Variants in KMT2D observed in about 807,000 individuals in gnomAD.
KMT2D encodes the protein lysine methyltransferase 2D.
A neutral mutation model predicts 512.7 loss-of-function variants in KMT2D; 55 were observed. The ratio of observed to expected loss-of-function variants is 0.11; its 90% CI spans 0.09 to 0.13. The LOEUF is 0.13. Ranked by LOEUF, KMT2D falls within the 10% of genes least tolerant of loss-of-function variation. The pLI, the probability that KMT2D is intolerant of heterozygous loss-of-function variation, is 1.00. For missense variants in KMT2D, 6,061 were observed against 7,127.9 expected (o/e 0.85, Z 5.39); for synonymous variants, 2,995 against 2,904.0 (o/e 1.03, Z -1.01).
rs773349155 is a variant in KMT2D, at chr12:49,032,493, C to G, written c.12212G>C (p.Gly4071Ala). ...EPGEVKPSLSGDSQLLLVQPQ... is the reference protein window; with the variant it reads ...EPGEVKPSLSADSQLLLVQPQ... ...TTGGACAAGCAGGAGTTGTGAGTCC[C>G]CAGAGAGTGAGGGCTTTACCTCTCC... The change falls in exon 40 of 55, where the codon GGG becomes GCG. Residue 4071 changes from glycine (G) to alanine (A), a missense_variant. Gly to Ala is a moderately conservative substitution (Grantham distance 60, BLOSUM62 0). Around this residue, in one of 16 missense-constraint regions of KMT2D, gnomAD observed 1,600 missense variants for 1,754.9 expected, o/e 0.91. Transcript: ENST00000301067. 3.2e-6 allele frequency: 5 copies of G among 1,571,790 alleles called. No homozygotes were observed. The highest frequency in any genetic ancestry group is 3.5e-6 in the Non-Finnish European group (4 of 1,158,374).
chr12:49,057,711 A>G (rs1265770933), intron 1 of KMT2D, among the ~76,000 whole-genome samples: 1 of 152,148 alleles, frequency 6.6e-6, no homozygotes, highest in Non-Finnish European at 1.5e-5. Context: ...GCCCCTGAAC[A>G]TATCTAAACA....
rs375980443 is a variant in KMT2D, at chr12:49,039,836, C to T, written c.7934G>A (p.Arg2645Gln). The change falls in exon 32 of 55, where the codon CGA becomes CAA. Residue 2645 changes from arginine (R) to glutamine (Q), a missense_variant. By Grantham distance (43) the Arg-to-Gln change is conservative (BLOSUM62 1). Transcript: ENST00000301067. The surrounding 1 kb of genome is among the most constrained non-coding windows in gnomAD (Gnocchi z 5.0). ...ACCCATTCCAGTCCCTGGGTCTTCT[C>T]GCTTTTCGACAGGAGAGGTGATGCC... ...RSGITSPVEK[R>Q]EDPGTGMGSS... is the part of the protein sequence containing the mutation. 2.1e-5 allele frequency: 34 copies of T among 1,613,928 alleles called. No individual in the cohort carries two copies. The highest frequency in any genetic ancestry group is 1.8e-5 in the Non-Finnish European group (21 of 1,179,906).
rs71464946 is a variant in KMT2D at position 49,031,937 on chromosome 12, G to A, written c.12768C>T (p.Leu4256=). 6.5e-7 allele frequency: 1 copy of A among 1,542,232 alleles called. No homozygotes were observed. The highest frequency in any genetic ancestry group is 8.7e-7 in the Non-Finnish European group (1 of 1,145,038). ...PGTQTSPLQG[L]LGCQPQLGGF... ...CCCCAAGTTGAGGTTGGCAGCCCAG[G>A]AGGCCCTGGAGGGGAGAGGTCTGGG... Residue 4256 remains leucine (L), a synonymous_variant, in exon 40 of 55, where the codon CTC becomes CTT. Transcript: ENST00000301067.
Position 49,034,449 on chromosome 12 carries a change from G to C in KMT2D, c.10468C>G (p.Pro3490Ala). 6.2e-7 allele frequency: 1 copy of C among 1,613,760 alleles called. No individual in the cohort carries two copies. The highest frequency in any genetic ancestry group is 2.2e-5 in the East Asian group (1 of 44,856). Reference sequence around the variant, plus strand: ...GCAAAAGTGGGCGGGTTGGGACGAGGCTGGGAGGGATCACCAGCACTCCGC... The same window carrying C: ...GCAAAAGTGGGCGGGTTGGGACGAGCCTGGGAGGGATCACCAGCACTCCGC... ...QERSAGDPSQ[P>A]RPNPPTFAQG... The change falls in exon 38 of 55, where the codon CCT (proline) becomes GCT (alanine). Residue 3490 changes from proline to alanine, a missense_variant. Transcript: ENST00000301067.
Position 49,039,666 on chromosome 12 carries a change from AG to A in KMT2D, c.8047-50del. ...AATAAGCCCATTCTACTCCAATCATAGGGCTGCCCCAGAGACAGGAGCGATA... is the reference window on the plus strand; with the variant it reads ...AATAAGCCCATTCTACTCCAATCATAGGCTGCCCCAGAGACAGGAGCGATA... On this transcript the variant is annotated intron_variant, in intron 32 of 54. Coordinates refer to ENST00000301067, the MANE Select transcript of KMT2D (RefSeq NM_003482.4). This position sits in a 1 kb window ranked among gnomAD's most constrained non-coding sequence, Gnocchi z 5.0. The A allele has an allele frequency of 6.2e-7, 1 of 1,602,498 alleles. No homozygotes were observed. The highest frequency in any genetic ancestry group is 8.5e-7 in the Non-Finnish European group (1 of 1,175,342).
chr12:49,056,483 C>T (rs534339693), intron 1 of KMT2D, among the ~76,000 whole-genome samples: 8 of 151,892 alleles, frequency 5.3e-5, no homozygotes, highest in African/African-American at 1.7e-4. Context: ...ATTACAGACA[C>T]GAAGAATAGG....
chr12:49,060,769 C>T lies in KMT2D; in HGVS notation c.-1194G>A, dbSNP rs1938709963. On this transcript the variant is annotated 5_prime_UTR_variant, in exon 1 of 55. Transcript: ENST00000301067. ...AGGGGGAGAAAGGAGAAGAGGCGGC[C>T]CTATTTTGTGTTGGAGCGGAGCGGC... Among the ~76,000 whole-genome samples the T allele has an allele frequency of 1.3e-5, 2 of 152,316 alleles. No individual in the cohort carries two copies. The highest frequency in any genetic ancestry group is 2.1e-4 in the South Asian group (1 of 4,830).
rs1222576435 is a variant in KMT2D at position 49,060,656 on chromosome 12, C to T, written c.-1081G>A. Among the ~76,000 whole-genome samples the T allele has an allele frequency of 4.6e-5, 7 of 152,252 alleles. No homozygotes were observed. The highest frequency in any genetic ancestry group is 1.0e-4 in the Non-Finnish European group (7 of 68,050). ...TTCCTGCGAAGGGGCTATTTCCTGG[C>T]CCAAGAGCTGGGCAGCGGTCGTGAA... On this transcript the variant is annotated 5_prime_UTR_variant, in exon 1 of 55. Transcript: ENST00000301067.
At position 49,051,958 on chromosome 12, in the gene KMT2D, T is replaced by C. The variant is rs371243627; in HGVS notation, c.1725A>G (p.Pro575=). ...PPPEASRLSP[P]PEESPMSPPP... is the part of the protein sequence containing the mutation. ...GAGGGGACATGGGTGACTCCTCAGG[T>C]GGTGGAGACAGGCGAGATGCTTCAG... Residue 575 remains proline (P), a synonymous_variant, in exon 11 of 55, where the codon CCA becomes CCG. Coordinates refer to ENST00000301067, the MANE Select transcript of KMT2D (RefSeq NM_003482.4). The C allele has an allele frequency of 2.5e-6, 4 of 1,611,258 alleles. No individual in the cohort carries two copies. Among genetic ancestry groups the C allele is most frequent in the Non-Finnish European group, 3.4e-6 (4 of 1,179,116 alleles).
At position 49,041,980 on chromosome 12, in the gene KMT2D, G is replaced by C; in HGVS notation, c.6120C>G (p.Ser2040Arg). The C allele has an allele frequency of 6.2e-7, 1 of 1,612,140 alleles. No homozygotes were observed. Among genetic ancestry groups the C allele is most frequent in the South Asian group, 1.1e-5 (1 of 90,624 alleles). Residue 2040 changes from serine to arginine, a missense_variant, in exon 30 of 55, where the codon AGC (serine) becomes AGG (arginine). Physicochemically the swap from Ser to Arg is moderately radical, Grantham distance 110. This residue lies in a region of KMT2D where 640 missense variants were observed against 814.3 expected (regional missense o/e 0.79). Transcript: ENST00000301067. The surrounding 1 kb of genome is among the most constrained non-coding windows in gnomAD (Gnocchi z 5.4). ...AGAGCTTCATGATTTGTTTGCAACG[G>C]CTTGACCAGTCTGGAGGGCAGAGAG... ...NLKQDYPDWS[S>R]RCKQIMKLWR...
rs1943555244 is a variant in KMT2D at position 49,041,978 on chromosome 12, C to T, written c.6122G>A (p.Arg2041His). The change falls in exon 30 of 55, where the codon CGT (arginine) becomes CAT (histidine). Residue 2041 changes from arginine (R) to histidine (H), a missense_variant. Around this residue, in one of 16 missense-constraint regions of KMT2D, gnomAD observed 640 missense variants for 814.3 expected, o/e 0.79. Coordinates refer to ENST00000301067, the MANE Select transcript of KMT2D (RefSeq NM_003482.4). The surrounding 1 kb of genome is among the most constrained non-coding windows in gnomAD (Gnocchi z 5.4). ...CCAGAGCTTCATGATTTGTTTGCAA[C>T]GGCTTGACCAGTCTGGAGGGCAGAG... ...LKQDYPDWSS[R>H]CKQIMKLWRK... The T allele has an allele frequency of 1.9e-6, 3 of 1,611,940 alleles. No individual in the cohort carries two copies. The highest frequency in any genetic ancestry group is 1.3e-5 in the African/African-American group (1 of 74,872).
Position 49,044,469 on chromosome 12 carries a change from C to T in KMT2D, c.5017G>A (p.Asp1673Asn), listed in dbSNP as rs2120584363. Residue 1673 changes from aspartate to asparagine, a missense_variant, in exon 21 of 55, where the codon GAT becomes AAT. By Grantham distance (23) the Asp-to-Asn change is conservative. Around this residue, in one of 16 missense-constraint regions of KMT2D, gnomAD observed 640 missense variants for 814.3 expected, o/e 0.79. Transcript: ENST00000301067. This position sits in a 1 kb window ranked among gnomAD's most constrained non-coding sequence, Gnocchi z 6.4. ...EIKLEGPVSP[D>N]VEPGKEETEE... ...GTCTCCTCTTTGCCAGGCTCCACAT[C>T]AGGGCTGACGGGGCCCTCCAGTTTA... The T allele has an allele frequency of 6.2e-7, 1 of 1,613,976 alleles. No individual in the cohort carries two copies. Among genetic ancestry groups the T allele is most frequent in the South Asian group, 1.1e-5 (1 of 91,082 alleles).
At chr12:49,057,089 C>T (rs1938454301) in intron 1 of KMT2D, among the ~76,000 whole-genome samples, 1 of 152,118 alleles carries the variant, frequency 6.6e-6, no homozygotes, top group Non-Finnish European at 1.5e-5. Context: ...CCGGCTCGTA[C>T]AAAAGCTGCT....
chr12:49,043,295 A>T, intron 25 of KMT2D, 68 bp downstream of exon 25: 1 of 1,562,488 alleles, frequency 6.4e-7, no homozygotes, highest in Non-Finnish European at 8.8e-7. Context: ...GACAATGCTC[A>T]GGGGCACAGC....
Position 49,033,605 on chromosome 12 carries a change from G to A in KMT2D, c.11100C>T (p.Phe3700=). Residue 3700 remains phenylalanine, a synonymous_variant, in exon 40 of 55, where the codon TTC becomes TTT. Transcript: ENST00000301067. ...GGCTTCGAAGAGCAAGGTTGCCAGG[G>A]AAGAAGCCCCCTGAAGGGCCAGCCA... The part of the protein sequence containing the change: ...GSLAGPSGGF[F]PGNLALRSLG... 6.2e-7 allele frequency: 1 copy of A among 1,613,608 alleles called. No individual in the cohort carries two copies.
In KMT2D at chr12:49,026,023, T is replaced by A; in HGVS notation, c.15784+159A>T. On this transcript the variant is annotated intron_variant, in intron 49 of 54. Coordinates refer to ENST00000301067, the MANE Select transcript of KMT2D (RefSeq NM_003482.4). This position sits in a 1 kb window ranked among gnomAD's most constrained non-coding sequence, Gnocchi z 9.6. ...AGGGTGACAAGAGAGGCTCAAACACTTTCACTGGGAGTTTTCAAGAGACCC... is the reference window on the plus strand; with the variant it reads ...AGGGTGACAAGAGAGGCTCAAACACATTCACTGGGAGTTTTCAAGAGACCC... 6.6e-6 allele frequency among the ~76,000 whole-genome samples: 1 copy of A among 152,134 alleles called. No homozygotes were observed. Among genetic ancestry groups the A allele is most frequent in the East Asian group, 1.9e-4 (1 of 5,190 alleles).
rs753933861 is a variant in KMT2D at position 49,053,610 on chromosome 12, T to G, written c.705A>C (p.Pro235=). The change falls in exon 7 of 55, where the codon CCA becomes CCC. Residue 235 remains proline, a synonymous_variant. Transcript: ENST00000301067. ...EEARCAVCEG[P]GELCDLFFCT... ...AGAAGAACAGGTCACACAACTCCCC[T>G]GGCCCCTCACACACTGCACAGCGAG... 6.3e-7 allele frequency: 1 copy of G among 1,597,604 alleles called. No individual in the cohort carries two copies. Among genetic ancestry groups the G allele is most frequent in the Non-Finnish European group, 8.5e-7 (1 of 1,172,486 alleles).
Position 49,053,082 on chromosome 12 carries a change from G to A in KMT2D, c.955-10C>T, listed in dbSNP as rs768998104. The stretch of plus-strand genomic sequence containing the variant: ...GGCACACCCGGCACGCCTAAGGGAA[G>A]GGAGTGGGCAAAACAGGCATTGGTC... On this transcript the variant is annotated splice_polypyrimidine_tract_variant and intron_variant, in intron 8 of 54. Transcript: ENST00000301067. The A allele has an allele frequency of 2.5e-6, 4 of 1,613,900 alleles. No individual in the cohort carries two copies. The highest frequency in any genetic ancestry group is 3.3e-5 in the Admixed American group (2 of 60,014).
chr12:49,048,109 T>G, intron 14 of KMT2D, 40 bp from the exon 15 acceptor site: 2 of 1,352,304 alleles, frequency 1.5e-6, no homozygotes, highest in Non-Finnish European at 2.1e-6. Context: ...CAACTAGATC[T>G]CCCCATCCCA....
Sources: allele counts gnomAD v4.1 joint callset (sites outside exome capture counted in the v4.1 genomes callset), GRCh38; gene constraint gnomAD v4.1.1; regional missense constraint gnomAD v4.1.1; non-coding constraint Gnocchi (gnomAD v3.1); transcripts MANE v1.5; gene names NCBI Gene and HGNC (gene_info 2026-07-23, HGNC 2026-07-21).